The following STX8 variants were observed in gnomAD, a reference collection of about 807,000 sequenced individuals.
The protein encoded by STX8 is syntaxin-8.
Under a neutral mutation model 37.5 loss-of-function variants are expected in STX8, and 23 were observed. That is an observed-to-expected ratio of 0.61 (90% CI 0.44 to 0.87). The LOEUF (loss-of-function observed/expected upper bound fraction) is 0.87. Among genes scored for constraint, STX8 ranks in the 40% least tolerant of loss-of-function variants. The pLI is 0.00. For synonymous variants in STX8, 115 were observed against 99.1 expected (o/e 1.16, Z -0.95); for missense variants, 313 against 284.7 (o/e 1.10, Z -0.71).
chr17:9,486,724 T>C (rs1327134634), intron 6 of STX8, among the ~76,000 whole-genome samples: 1 of 152,104 alleles, frequency 6.6e-6, no homozygotes, highest in Non-Finnish European at 1.5e-5. Flanking sequence ...CCAGGTGCTA[T>C]GGTGCCGGCC....
At chr17:9,508,554 C>T (rs77096642) in intron 4 of STX8, among the ~76,000 whole-genome samples, 3,682 of 152,272 alleles carry the variant, frequency 0.024, 152 homozygotes, top group African/African-American at 0.084. Flanking sequence ...GTATCGAACT[C>T]CTAATCTCAA....
intron 7 of STX8, among the ~76,000 whole-genome samples, chr17:9,301,895 A>C (rs1386175727): frequency 6.6e-6 from 1 of 152,198 alleles, no homozygotes; most frequent in Non-Finnish European, 1.5e-5. Context: ...CAGATTTGTA[A>C]GTAAATGTTA....
chr17:9,414,129 A>ACCTACCCATTTGTCCGTCTGTCCGTCCGT (rs1555525031), intron 6 of STX8, among the ~76,000 whole-genome samples: 14 of 67,682 alleles, frequency 2.1e-4, no homozygotes, highest in East Asian at 1.6e-3. Flanking sequence ...CATCCATCCA[A>ACCTACCCATTTGTCCGTCTGTCCGTCCGT]CCATCCATCC....
chr17:9,470,226 A>G (rs1479305677), intron 6 of STX8, among the ~76,000 whole-genome samples: 2 of 152,218 alleles, frequency 1.3e-5, no homozygotes, highest in South Asian at 2.1e-4. Context: ...GTCTCTTCCC[A>G]GAATAAACCG....
At chr17:9,544,760 A>AGGCG (rs1906428131) in intron 4 of STX8, among the ~76,000 whole-genome samples, 2 of 152,186 alleles carry the variant, frequency 1.3e-5, no homozygotes, top group African/African-American at 2.4e-5. Flanking sequence ...TGGGAGGCCA[A>AGGCG]GGCGGGCGGA....
chr17:9,452,688 C>T (rs1460126840), intron 6 of STX8, among the ~76,000 whole-genome samples: 1 of 152,110 alleles, frequency 6.6e-6, no homozygotes, highest in East Asian at 1.9e-4. Context: ...AAGGTTGTCA[C>T]ATGACGGGTG....
intron 6 of STX8, among the ~76,000 whole-genome samples, chr17:9,479,977 G>T (rs1308696447): frequency 6.6e-6 from 1 of 152,152 alleles, no homozygotes; most frequent in Non-Finnish European, 1.5e-5. Context: ...GTTTGCAAGG[G>T]TCTTCCCTTT....
At chr17:9,501,922 T>C (rs1904626674) in intron 5 of STX8, among the ~76,000 whole-genome samples, 1 of 152,024 alleles carries the variant, frequency 6.6e-6, no homozygotes, top group South Asian at 2.1e-4. Context: ...TGAGCAGAGA[T>C]TGCGTCACTG....
chr17:9,426,565 G>T (rs1913637803), intron 6 of STX8, among the ~76,000 whole-genome samples: 1 of 151,824 alleles, frequency 6.6e-6, no homozygotes. Context: ...CTAAAGACCT[G>T]CCTGGGCAAC....
rs116477063 is a variant in STX8, at chr17:9,414,487, T to C, written c.542-35834A>G. Among the ~76,000 whole-genome samples the C allele has an allele frequency of 8.9e-3, 1,350 of 152,326 alleles. 18 individuals carry two copies. The highest frequency in any genetic ancestry group is 0.031 in the African/African-American group (1,307 of 41,562). ...GAATTCTTATTCTCAATGTCATACT[T>C]ACCTCATTGCAAACTGGTAACAAAC... On this transcript the variant is annotated intron_variant, in intron 6 of 7. Transcript: ENST00000306357.
intron 6 of STX8, among the ~76,000 whole-genome samples, chr17:9,385,962 C>G (rs540338587): frequency 6.6e-6 from 1 of 152,132 alleles, no homozygotes; most frequent in African/African-American, 2.4e-5. Flanking sequence ...TTAGTAGAGA[C>G]GGGGTTTCAC....
chr17:9,373,116 A>AAAAG (rs1489790784), intron 7 of STX8, among the ~76,000 whole-genome samples: 23 of 151,448 alleles, frequency 1.5e-4, no homozygotes, highest in African/African-American at 5.6e-4. Context: ...TCAAAAAAAA[A>AAAAG]AAAAGAAAAG....
chr17:9,497,134 A>C (rs1904434710), intron 5 of STX8, among the ~76,000 whole-genome samples: 1 of 152,226 alleles, frequency 6.6e-6, no homozygotes, highest in African/African-American at 2.4e-5. Context: ...TAAAGGGCAA[A>C]TGCAGTTTCA....
chr17:9,350,185 G>A (rs964201174), intron 7 of STX8, among the ~76,000 whole-genome samples: 21 of 152,190 alleles, frequency 1.4e-4, no homozygotes, highest in African/African-American at 5.1e-4. Flanking sequence ...CTAATGAATG[G>A]GCCGCGTATA....
chr17:9,555,019 T>C (rs994698978), intron 3 of STX8: 2 of 151,990 alleles, frequency 1.3e-5, no homozygotes, highest in African/African-American at 4.8e-5. Context: ...GTTGTTACAG[T>C]AGAAATAGAT....
At chr17:9,295,491 T>TCCC (rs1241243440) in intron 7 of STX8, among the ~76,000 whole-genome samples, 1 of 152,124 alleles carries the variant, frequency 6.6e-6, no homozygotes, top group Non-Finnish European at 1.5e-5. Context: ...ACACCAGTAA[T>TCCC]CCCAGCACTT....
chr17:9,481,567 C>T (rs1487131767), intron 6 of STX8, among the ~76,000 whole-genome samples: 1 of 152,120 alleles, frequency 6.6e-6, no homozygotes, highest in Admixed American at 6.5e-5. Context: ...GCTCTTATCA[C>T]CAGGAGGGTC....
intron 7 of STX8, among the ~76,000 whole-genome samples, chr17:9,304,551 AAC>A (rs1457766128): frequency 6.6e-6 from 1 of 151,660 alleles, no homozygotes; most frequent in African/African-American, 2.4e-5. Flanking sequence ...GAAAAAAGAA[AAC>A]GAAAAATACA....
rs1467036522 is a variant in STX8 at position 9,430,097 on chromosome 17, T to TATATATATTCTATATA, written c.542-51445_542-51444insTATATAGAATATATAT. ...TATATAATATATATATTCTATATAA[T>TATATATATTCTATATA]ATATATATTTTATATATAAATAAAT... On this transcript the variant is annotated intron_variant, in intron 6 of 7. Coordinates refer to ENST00000306357, the MANE Select transcript of STX8 (RefSeq NM_004853.3). 2.3e-3 allele frequency among the ~76,000 whole-genome samples: 124 copies of TATATATATTCTATATA among 54,628 alleles called. 1 individual carries two copies. The highest frequency in any genetic ancestry group is 7.7e-3 in the African/African-American group (118 of 15,292). 35.8% of individuals were successfully genotyped at this position (54,628 alleles called of 152,430 possible).
Sources: gnomAD v4.1 joint callset for allele counts (sites outside exome capture counted in the v4.1 genomes callset) on GRCh38, gnomAD v4.1.1 for gene constraint, MANE v1.5 for transcripts, NCBI Gene and HGNC (gene_info 2026-07-23, HGNC 2026-07-21) for gene names.